RPRML: variants seen among roughly 807,000 people sequenced by gnomAD.
RPRML encodes reprimo-like protein.
A neutral mutation model predicts 5.2 loss-of-function variants in RPRML; 4 were observed. The observed-to-expected ratio is 0.77, with a 90% CI of 0.38 to 1.76. RPRML has a LOEUF of 1.76. Ranked by LOEUF, RPRML falls within the 40% of genes most tolerant of loss-of-function variation. The pLI is 0.04. For synonymous variants in RPRML, 79 were observed against 89.1 expected (o/e 0.89, Z 0.64); for missense variants, 181 against 177.7 (o/e 1.02, Z -0.11).
rs1015422426 is a variant in RPRML at position 46,978,486 on chromosome 17, C to A, written c.*159G>T. On this transcript the variant is annotated 3_prime_UTR_variant, in exon 1 of 1. Transcript: ENST00000322329. ...AGAGCCGGGCGTCCAAGTCCCTTCC[C>A]GCGCCCCCGCCGACAGTCTCGCCGC... 2 of 816,256 alleles carry A rather than the reference C, an allele frequency of 2.5e-6. No individual in the cohort carries two copies. The highest frequency in any genetic ancestry group is 3.6e-6 in the Non-Finnish European group (2 of 548,080). The allele number at this position is 816,256 out of a possible 1,614,324, so 50.6% of individuals were successfully genotyped here.
In RPRML at chr17:46,979,232, C is replaced by A; in HGVS notation, c.-225G>T. On this transcript the variant is annotated 5_prime_UTR_variant, in exon 1 of 1. Transcript: ENST00000322329. ...GAGCGAGCAACAGGCGGCGCAGGAG[C>A]TGGAGCCGGAGAACCTAGTGTGCTT... 2.4e-6 allele frequency: 1 copy of A among 418,500 alleles called. No individual in the cohort carries two copies. The allele number at this position is 418,500 out of a possible 1,614,324, so 25.9% of individuals were successfully genotyped here.
At position 46,978,345 on chromosome 17, in the gene RPRML, TCC is replaced by T; in HGVS notation, c.*298_*299del. 1 of 412,804 alleles carries T rather than the reference TCC, an allele frequency of 2.4e-6. No individual in the cohort carries two copies. Among genetic ancestry groups the T allele is most frequent in the Non-Finnish European group, 4.3e-6 (1 of 233,054 alleles). The allele number at this position is 412,804 out of a possible 1,614,324, so 25.6% of individuals were successfully genotyped here. The stretch of plus-strand genomic sequence containing the variant: ...AGCGACCGCAGTCCCAAATTGCATC[TCC>T]ATACCCACTCCCACCCTGCCCCGAA... On this transcript the variant is annotated 3_prime_UTR_variant, in exon 1 of 1. Transcript: ENST00000322329.
chr17:46,978,628 G>C lies in RPRML; in HGVS notation c.*17C>G. Reference sequence around the variant, plus strand: ...CCTTCTTGCAGCAGCGCTGGCGAGGGCGGACCCAGATGGCGCTCAGTACAG... The same window carrying C: ...CCTTCTTGCAGCAGCGCTGGCGAGGCCGGACCCAGATGGCGCTCAGTACAG... On this transcript the variant is annotated 3_prime_UTR_variant, in exon 1 of 1. Coordinates refer to ENST00000322329, the MANE Select transcript of RPRML (RefSeq NM_203400.5). The C allele has an allele frequency of 1.3e-6, 2 of 1,574,730 alleles. No homozygotes were observed. The highest frequency in any genetic ancestry group is 1.7e-6 in the Non-Finnish European group (2 of 1,162,884).
rs753999116 is a variant in RPRML at position 46,978,747 on chromosome 17, C to G, written c.261G>C (p.Leu87=). 6.2e-7 allele frequency: 1 copy of G among 1,612,570 alleles called. No homozygotes were observed. Among genetic ancestry groups the G allele is most frequent in the Non-Finnish European group, 8.5e-7 (1 of 1,179,572 alleles). ...CGGACTTGATGAGCAGGTTGCAGCC[C>G]AGGAAGAAGACGCCGAAGACCACGG... is the stretch of plus-strand genomic sequence containing the variant. ...SLTVVFGVFF[L]GCNLLIKSES... is the part of the protein sequence containing the mutation. The change falls in exon 1 of 1, where the codon CTG becomes CTC. Residue 87 remains leucine (L), a synonymous_variant. Transcript: ENST00000322329.
In RPRML at chr17:46,978,402, C is replaced by A; in HGVS notation, c.*243G>T. 2 of 413,690 alleles carry A rather than the reference C, an allele frequency of 4.8e-6. No homozygotes were observed. The highest frequency in any genetic ancestry group is 3.7e-5 in the South Asian group (1 of 26,922). The allele number at this position is 413,690 out of a possible 1,614,324, so 25.6% of individuals were successfully genotyped here. The stretch of plus-strand genomic sequence containing the variant: ...TTAAAAAACAAACAAACAAAAAAAA[C>A]TGGTAAGAACCCTCACCCCACATTC... On this transcript the variant is annotated 3_prime_UTR_variant, in exon 1 of 1. Coordinates refer to ENST00000322329, the MANE Select transcript of RPRML (RefSeq NM_203400.5).
rs1388171788 is a variant in RPRML, at chr17:46,978,723, G to A, written c.285C>T (p.Ser95=). ...GCACCAGAAAGTTGATCATGCTCTCGGACTTGATGAGCAGGTTGCAGCCCA... is the reference window on the plus strand; with the variant it reads ...GCACCAGAAAGTTGATCATGCTCTCAGACTTGATGAGCAGGTTGCAGCCCA... ...FFLGCNLLIK[S]ESMINFLVQE... The change falls in exon 1 of 1, where the codon TCC becomes TCT. Residue 95 remains serine (S), a synonymous_variant. Coordinates refer to ENST00000322329, the MANE Select transcript of RPRML (RefSeq NM_203400.5). 6.2e-7 allele frequency: 1 copy of A among 1,612,244 alleles called. No homozygotes were observed. The highest frequency in any genetic ancestry group is 1.1e-5 in the South Asian group (1 of 90,906).
At position 46,979,112 on chromosome 17, in the gene RPRML, G is replaced by A; in HGVS notation, c.-105C>T. Reference sequence around the variant, plus strand: ...CTCCGGACCCCTCGGACCGGCTCCTGCGGTACGGGGAGGGGACGAAGGCGG... The same window carrying A: ...CTCCGGACCCCTCGGACCGGCTCCTACGGTACGGGGAGGGGACGAAGGCGG... On this transcript the variant is annotated 5_prime_UTR_variant, in exon 1 of 1. Coordinates refer to ENST00000322329, the MANE Select transcript of RPRML (RefSeq NM_203400.5). 1 of 1,157,514 alleles carries A rather than the reference G, an allele frequency of 8.6e-7. No individual in the cohort carries two copies. Among genetic ancestry groups the A allele is most frequent in the Non-Finnish European group, 1.1e-6 (1 of 898,652 alleles). The allele number at this position is 1,157,514 out of a possible 1,614,324, so 71.7% of individuals were successfully genotyped here. A position where few individuals can be genotyped will look rare whatever the true frequency, so the allele number is the denominator to read the frequency against.
rs1402394328 is a variant in RPRML at position 46,978,400 on chromosome 17, A to AAG, written c.*244_*245insCT. 2 of 504,684 alleles carry AAG rather than the reference A, an allele frequency of 4.0e-6. No individual in the cohort carries two copies. Among genetic ancestry groups the AAG allele is most frequent in the East Asian group, 7.1e-5 (2 of 28,000 alleles). 31.3% of individuals were successfully genotyped at this position (504,684 alleles called of 1,614,324 possible). On this transcript the variant is annotated 3_prime_UTR_variant, in exon 1 of 1. Coordinates refer to ENST00000322329, the MANE Select transcript of RPRML (RefSeq NM_203400.5). ...TCTTAAAAAACAAACAAACAAAAAAAACTGGTAAGAACCCTCACCCCACAT... is the reference window on the plus strand; with the variant it reads ...TCTTAAAAAACAAACAAACAAAAAAAAGACTGGTAAGAACCCTCACCCCACAT...
rs940963477 is a variant in RPRML at position 46,978,999 on chromosome 17, C to A, written c.9G>T (p.Ala3=). 3 of 1,413,300 alleles carry A rather than the reference C, an allele frequency of 2.1e-6. No individual in the cohort carries two copies. The highest frequency in any genetic ancestry group is 3.6e-5 in the Admixed American group (1 of 27,842). 87.5% of individuals were successfully genotyped at this position (1,413,300 alleles called of 1,614,324 possible). Reference sequence around the variant, plus strand: ...CCAAGCCGCTGTGGTTCAGGAAGGTCGCGTTCATCGCCGCGCGGCGCCGGG... The same window carrying A: ...CCAAGCCGCTGTGGTTCAGGAAGGTAGCGTTCATCGCCGCGCGGCGCCGGG... MN[A]TFLNHSGLEE... is the part of the protein sequence containing the mutation. Residue 3 remains alanine, a synonymous_variant, in exon 1 of 1, where the codon GCG becomes GCT. Coordinates refer to ENST00000322329, the MANE Select transcript of RPRML (RefSeq NM_203400.5).
Position 46,978,688 on chromosome 17 carries a change from C to T in RPRML, c.320G>A (p.Arg107Gln), listed in dbSNP as rs770779916. ...GGCTGCGCCCACGTCCTTGGAGGGC[C>T]GGCGCTCCTGCACCAGAAAGTTGAT... ...SMINFLVQER[R>Q]PSKDVGAAIL... is the part of the protein sequence containing the mutation. Residue 107 changes from arginine to glutamine, a missense_variant, in exon 1 of 1, where the codon CGG becomes CAG. Transcript: ENST00000322329. The T allele has an allele frequency of 1.9e-6, 3 of 1,610,928 alleles. No homozygotes were observed. The highest frequency in any genetic ancestry group is 3.3e-5 in the Admixed American group (2 of 59,802).
chr17:46,978,729 G>C lies in RPRML; in HGVS notation c.279C>G (p.Ile93Met), dbSNP rs750962106. ...GVFFLGCNLL[I>M]KSESMINFLV... ...GAAAGTTGATCATGCTCTCGGACTT[G>C]ATGAGCAGGTTGCAGCCCAGGAAGA... The change falls in exon 1 of 1, where the codon ATC becomes ATG. Residue 93 changes from isoleucine to methionine, a missense_variant. Coordinates refer to ENST00000322329, the MANE Select transcript of RPRML (RefSeq NM_203400.5). 6.2e-7 allele frequency: 1 copy of C among 1,612,428 alleles called. No individual in the cohort carries two copies.
chr17:46,979,172 C>A lies in RPRML; in HGVS notation c.-165G>T, dbSNP rs1305096005. 1.0e-5 allele frequency: 7 copies of A among 700,486 alleles called. No individual in the cohort carries two copies. Among genetic ancestry groups the A allele is most frequent in the Admixed American group, 4.4e-5 (1 of 22,556 alleles). The allele number at this position is 700,486 out of a possible 1,614,324, so 43.4% of individuals were successfully genotyped here. On this transcript the variant is annotated 5_prime_UTR_variant, in exon 1 of 1. Transcript: ENST00000322329. ...TGCCTGCGCGCTCTCGGGCCGCCTA[C>A]CCCTGGGCACCGGGCGGGAAGCGAC...
Position 46,978,860 on chromosome 17 carries a change from C to G in RPRML, c.148G>C (p.Gly50Arg). The change falls in exon 1 of 1, where the codon GGG becomes CGG. Residue 50 changes from glycine to arginine, a missense_variant. Gly to Arg is a moderately radical substitution (Grantham distance 125). Coordinates refer to ENST00000322329, the MANE Select transcript of RPRML (RefSeq NM_203400.5). The part of the protein sequence containing the change: ...PGGAPLAASD[G>R]VPAGLAPDER... ...TCGGGCGCCAGCCCCGCGGGGACCCCGTCGCTGGCGGCCAGCGGTGCGCCC... is the reference window on the plus strand; with the variant it reads ...TCGGGCGCCAGCCCCGCGGGGACCCGGTCGCTGGCGGCCAGCGGTGCGCCC... The G allele has an allele frequency of 2.5e-6, 4 of 1,581,102 alleles. No homozygotes were observed. Among genetic ancestry groups the G allele is most frequent in the Non-Finnish European group, 3.4e-6 (4 of 1,166,542 alleles).
At position 46,978,418 on chromosome 17, in the gene RPRML, C is replaced by T. The variant is rs1393462052; in HGVS notation, c.*227G>A. On this transcript the variant is annotated 3_prime_UTR_variant, in exon 1 of 1. Coordinates refer to ENST00000322329, the MANE Select transcript of RPRML (RefSeq NM_203400.5). The stretch of plus-strand genomic sequence containing the variant: ...CAAAAAAAACTGGTAAGAACCCTCA[C>T]CCCACATTCTCCCACCCCGCAACGC... 9 of 532,322 alleles carry T rather than the reference C, an allele frequency of 1.7e-5. No individual in the cohort carries two copies. Among genetic ancestry groups the T allele is most frequent in the African/African-American group, 1.6e-4 (8 of 49,114 alleles). 33.0% of individuals were successfully genotyped at this position (532,322 alleles called of 1,614,324 possible). A position where few individuals can be genotyped will look rare whatever the true frequency, so the allele number is the denominator to read the frequency against.
At position 46,978,631 on chromosome 17, in the gene RPRML, G is replaced by A. The variant is rs1291093941; in HGVS notation, c.*14C>T. ...TCTTGCAGCAGCGCTGGCGAGGGCG[G>A]ACCCAGATGGCGCTCAGTACAGCCC... On this transcript the variant is annotated 3_prime_UTR_variant, in exon 1 of 1. Coordinates refer to ENST00000322329, the MANE Select transcript of RPRML (RefSeq NM_203400.5). The A allele has an allele frequency of 6.3e-7, 1 of 1,578,824 alleles. No homozygotes were observed.
In RPRML at chr17:46,978,816, CA is replaced by C. The variant is rs2091467415; in HGVS notation, c.191del (p.Val64GlyfsTer35). 6.2e-7 allele frequency: 1 copy of C among 1,609,648 alleles called. No individual in the cohort carries two copies. The highest frequency in any genetic ancestry group is 1.1e-5 in the South Asian group (1 of 90,666). Reference sequence around the variant, plus strand: ...GCACGGCGATCTGCGCCACCCGCGACACCCACAGGCTGCGCTCGTCGGGCGC... The same window carrying C: ...GCACGGCGATCTGCGCCACCCGCGACCCCACAGGCTGCGCTCGTCGGGCGC... ...GLAPDERSLW[V>X]SRVAQIAVLC... On this transcript the variant is annotated frameshift_variant, in exon 1 of 1. Transcript: ENST00000322329. LOFTEE classifies it high-confidence loss of function.
Position 46,978,912 on chromosome 17 carries a change from C to A in RPRML, c.96G>T (p.Leu32=), listed in dbSNP as rs1271463619. ...CTGGACAGCAGCCCAGCCACGTGCC[C>A]AGCCCGTGGGTGCGGTTTCCCAGGG... The part of the protein sequence containing the change: ...GAALGNRTHG[L]GTWLGCCPGG... Residue 32 remains leucine, a synonymous_variant, in exon 1 of 1, where the codon CTG becomes CTT. Transcript: ENST00000322329. 1 of 1,473,656 alleles carries A rather than the reference C, an allele frequency of 6.8e-7. No homozygotes were observed. The highest frequency in any genetic ancestry group is 1.3e-5 in the South Asian group (1 of 75,388). 91.3% of individuals were successfully genotyped at this position (1,473,656 alleles called of 1,614,324 possible). A position where few individuals can be genotyped will look rare whatever the true frequency, so the allele number is the denominator to read the frequency against.
In RPRML at chr17:46,979,115, G is replaced by T; in HGVS notation, c.-108C>A. On this transcript the variant is annotated 5_prime_UTR_variant, in exon 1 of 1. Coordinates refer to ENST00000322329, the MANE Select transcript of RPRML (RefSeq NM_203400.5). The stretch of plus-strand genomic sequence containing the variant: ...CGGACCCCTCGGACCGGCTCCTGCG[G>T]TACGGGGAGGGGACGAAGGCGGGAG... The T allele has an allele frequency of 8.8e-7, 1 of 1,136,196 alleles. No individual in the cohort carries two copies. The highest frequency in any genetic ancestry group is 1.1e-6 in the Non-Finnish European group (1 of 880,406). 70.4% of individuals were successfully genotyped at this position (1,136,196 alleles called of 1,614,324 possible).
Position 46,978,244 on chromosome 17 carries a change from G to T in RPRML, c.*401C>A. 1 of 229,008 alleles carries T rather than the reference G, an allele frequency of 4.4e-6. No homozygotes were observed. 14.2% of individuals were successfully genotyped at this position (229,008 alleles called of 1,614,324 possible). A position where few individuals can be genotyped will look rare whatever the true frequency, so the allele number is the denominator to read the frequency against. ...TCAGGCCAACAAGCTCAGCGACTCT[G>T]ACGCTTCACATCTTCACCCACTCGC... On this transcript the variant is annotated 3_prime_UTR_variant, in exon 1 of 1. Coordinates refer to ENST00000322329, the MANE Select transcript of RPRML (RefSeq NM_203400.5).
Sources: allele counts gnomAD v4.1 joint callset, GRCh38; gene constraint gnomAD v4.1.1; transcripts MANE v1.5; gene names NCBI Gene and HGNC (gene_info 2026-07-23, HGNC 2026-07-21).